Variants in RIPOR3 observed in about 807,000 individuals in gnomAD.
The protein encoded by RIPOR3 is family with sequence similarity 65 member C.
A neutral mutation model predicts 114.3 loss-of-function variants in RIPOR3; 95 were observed. The observed-to-expected ratio is 0.83, with a 90% confidence interval of 0.70 to 0.99. The LOEUF (loss-of-function observed/expected upper bound fraction) is 0.99, where lower values mean the gene tolerates loss of function less well. Among genes scored for constraint, RIPOR3 ranks in the 50% least tolerant of loss-of-function variants. The probability of loss-of-function intolerance (pLI) is 0.00; values close to 1 mark genes in which losing one functional copy is unlikely to be tolerated. For synonymous variants in RIPOR3, 575 were observed against 543.8 expected (o/e 1.06, Z -0.80); for missense variants, 1,252 against 1,266.9 (o/e 0.99, Z 0.18).
intron 1 of RIPOR3, among the ~76,000 whole-genome samples, chr20:50,632,200 C>T (rs938396563): frequency 6.6e-6 from 1 of 152,108 alleles, no homozygotes; most frequent in African/African-American, 2.4e-5. Flanking sequence ...CCACATGTGC[C>T]GTACATAGGA....
chr20:50,631,688 C>T (rs1057021925), intron 1 of RIPOR3, among the ~76,000 whole-genome samples: 14 of 152,308 alleles, frequency 9.2e-5, no homozygotes, highest in Middle Eastern at 3.4e-3. Context: ...GCTTCCACCC[C>T]GATCCATTGC....
intron 1 of RIPOR3, among the ~76,000 whole-genome samples, chr20:50,652,590 C>CAAAAAAAAAAAAA (rs11470456): frequency 1.5e-4 from 13 of 87,298 alleles, no homozygotes; most frequent in Non-Finnish European, 2.0e-4. Context: ...GATTCTGTCT[C>CAAAAAAAAAAAAA]AAAAAAAAAA....
chr20:50,598,929 G>T (rs985590944), intron 13 of RIPOR3, among the ~76,000 whole-genome samples: 1 of 149,224 alleles, frequency 6.7e-6, no homozygotes, highest in Non-Finnish European at 1.5e-5. Context: ...AAAGGAGGGG[G>T]TTATGTTCTA....
chr20:50,642,209 T>A (rs915413354), intron 1 of RIPOR3, among the ~76,000 whole-genome samples: 2 of 152,080 alleles, frequency 1.3e-5, no homozygotes, highest in African/African-American at 2.4e-5. Flanking sequence ...TCTGGGAATT[T>A]TCAGTGCCTA....
At chr20:50,589,567 A>C in intron 20 of RIPOR3, 119 bp downstream of exon 20, 3 of 1,070,938 alleles carry the variant, frequency 2.8e-6, no homozygotes, top group Non-Finnish European at 2.7e-6. Flanking sequence ...AAGTGCTGAG[A>C]TTACAGGCGT....
intron 1 of RIPOR3, among the ~76,000 whole-genome samples, chr20:50,656,115 C>G (rs546775978): frequency 1.3e-5 from 2 of 152,068 alleles, no homozygotes; most frequent in Admixed American, 6.6e-5. Context: ...TCAAGCGATT[C>G]TCCTGCCTCA....
chr20:50,599,377 G>T (rs978397640), intron 13 of RIPOR3, among the ~76,000 whole-genome samples: 2 of 151,272 alleles, frequency 1.3e-5, no homozygotes, highest in Admixed American at 6.6e-5. Context: ...GGACAACAGA[G>T]TGAGACTCCG....
intron 2 of RIPOR3, among the ~76,000 whole-genome samples, chr20:50,623,571 G>A (rs1267554849): frequency 2.0e-5 from 3 of 152,176 alleles, no homozygotes; most frequent in East Asian, 1.9e-4. Context: ...CCCAGGATGT[G>A]TGAGAGGAGG....
intron 3 of RIPOR3, among the ~76,000 whole-genome samples, chr20:50,619,084 T>C (rs534449332): frequency 1.1e-3 from 173 of 152,130 alleles, no homozygotes; most frequent in African/African-American, 3.9e-3. Flanking sequence ...TGGTGGCAGG[T>C]GCCTGTAATC....
At chr20:50,667,671 CCATGATACTGAACT>C (rs1398188096) in intron 1 of RIPOR3, among the ~76,000 whole-genome samples, 1 of 151,988 alleles carries the variant, frequency 6.6e-6, no homozygotes, top group Non-Finnish European at 1.5e-5. Flanking sequence ...AGGGCAGGGG[CCATGATACTGAACT>C]CACAGCTCTG....
intron 1 of RIPOR3, among the ~76,000 whole-genome samples, chr20:50,634,938 C>T (rs906478239): frequency 2.0e-5 from 3 of 152,192 alleles, no homozygotes; most frequent in African/African-American, 7.2e-5. Context: ...GAGGCTGAGG[C>T]AGGAGAATCA....
At chr20:50,668,884 T>G (rs2086354153) in intron 1 of RIPOR3, among the ~76,000 whole-genome samples, 1 of 151,126 alleles carries the variant, frequency 6.6e-6, no homozygotes, top group African/African-American at 2.4e-5. Context: ...CAGGAAATGA[T>G]GAGGCTGCAC....
At chr20:50,591,689 AAG>A (rs1182857053) in intron 19 of RIPOR3, among the ~76,000 whole-genome samples, 1 of 152,208 alleles carries the variant, frequency 6.6e-6, no homozygotes, top group African/African-American at 2.4e-5. Flanking sequence ...GTTACAGGCA[AAG>A]AGTGAAAAAG....
chr20:50,624,083 C>T (rs918441126), intron 2 of RIPOR3, among the ~76,000 whole-genome samples: 2 of 152,154 alleles, frequency 1.3e-5, no homozygotes, highest in Admixed American at 6.5e-5. Flanking sequence ...GTGATCTGCC[C>T]GCCTTGGCCT....
intron 13 of RIPOR3, among the ~76,000 whole-genome samples, chr20:50,601,465 AAG>A (rs1013698165): frequency 1.3e-5 from 2 of 152,204 alleles, no homozygotes; most frequent in Non-Finnish European, 2.9e-5. Flanking sequence ...TAAAAAATAA[AAG>A]AGCGTGTTCA....
chr20:50,602,505 G>A lies in RIPOR3; in HGVS notation c.1226C>T (p.Ser409Phe). Residue 409 changes from serine to phenylalanine, a missense_variant, in exon 13 of 22, where the codon TCC becomes TTC. By Grantham distance (155) the Ser-to-Phe change is radical. Coordinates refer to ENST00000327979, the MANE Select transcript of RIPOR3 (RefSeq NM_001290268.2). The surrounding 1 kb of genome is among the most constrained non-coding windows in gnomAD (Gnocchi z 4.3). ...SQSQELPEMD[S>F]FSSEDPRDTE... is the part of the protein sequence containing the mutation. ...GTCTCGGGGGTCCTCAGAGCTGAAG[G>A]AGTCCATCTCAGGCAGCTCCTGACT... is the stretch of plus-strand genomic sequence containing the variant. 1 of 1,564,798 alleles carries A rather than the reference G, an allele frequency of 6.4e-7. No individual in the cohort carries two copies. The highest frequency in any genetic ancestry group is 2.3e-5 in the East Asian group (1 of 44,134).
In RIPOR3 at chr20:50,630,119, C is replaced by A. The variant is rs564918266; in HGVS notation, c.122+619G>T. ...AGTAGCTGGGATTACAGGCATGTGCCACCACATCCAACTAATTTTTGCATT... is the reference window on the plus strand; with the variant it reads ...AGTAGCTGGGATTACAGGCATGTGCAACCACATCCAACTAATTTTTGCATT... On this transcript the variant is annotated intron_variant, in intron 2 of 21. Transcript: ENST00000327979. Among the ~76,000 whole-genome samples, 137 of 152,076 alleles carry A rather than the reference C, an allele frequency of 9.0e-4. 1 individual carries two copies. Among genetic ancestry groups the A allele is most frequent in the Non-Finnish European group, 1.6e-3 (108 of 68,022 alleles).
intron 1 of RIPOR3, among the ~76,000 whole-genome samples, chr20:50,672,059 T>C (rs2086529632): frequency 6.6e-6 from 1 of 151,874 alleles, no homozygotes; most frequent in Admixed American, 6.6e-5. Context: ...GATGGAAGGA[T>C]GGATGGGTGG....
At chr20:50,599,878 G>GTGTA (rs547841338) in intron 13 of RIPOR3, among the ~76,000 whole-genome samples, 1 of 151,688 alleles carries the variant, frequency 6.6e-6, no homozygotes, top group African/African-American at 2.4e-5. Context: ...ATATGTATGT[G>GTGTA]TGTATGTATG....
Sources: gnomAD v4.1 joint callset for allele counts (sites outside exome capture counted in the v4.1 genomes callset) on GRCh38, gnomAD v4.1.1 for gene constraint, Gnocchi (gnomAD v3.1) non-coding constraint, MANE v1.5 for transcripts, NCBI Gene and HGNC (gene_info 2026-07-23, HGNC 2026-07-21) for gene names.